Variants in ARID1B observed in about 807,000 individuals in gnomAD.
The protein encoded by ARID1B is AT-rich interactive domain-containing protein 1B.
ARID1B carries 30 observed loss-of-function variants against 212.3 expected under a neutral mutation model. That is an observed-to-expected ratio of 0.14 (90% CI 0.11 to 0.19). The LOEUF (loss-of-function observed/expected upper bound fraction) is 0.19. ARID1B is among the 10% of genes least tolerant of loss of function. The probability of loss-of-function intolerance (pLI) is 1.00; values close to 1 mark genes in which losing one functional copy is unlikely to be tolerated. For missense variants in ARID1B, 2,891 were observed against 3,204.0 expected, an observed-to-expected ratio of 0.90 and a Z score of 2.36; for synonymous variants, 1,402 against 1,301.7, an observed-to-expected ratio of 1.08 and a Z score of -1.66.
At chr6:157,149,327 A>C in intron 8 of ARID1B, 1 of 210,022 alleles carries the variant, frequency 4.8e-6, no homozygotes, top group Non-Finnish European at 9.9e-6. Context: ...TAAAATCTAA[A>C]ACATTCAAAA....
chr6:156,920,054 C>G (rs2128238580), intron 3 of ARID1B, among the ~76,000 whole-genome samples: 1 of 152,344 alleles, frequency 6.6e-6, no homozygotes, highest in East Asian at 1.9e-4. Context: ...GCCTTGTTCT[C>G]TAGTTTTTAG....
At chr6:157,195,505 T>C (rs1793652437) in intron 15 of ARID1B, 1 of 152,228 alleles carries the variant, frequency 6.6e-6, no homozygotes, top group Admixed American at 6.5e-5. Flanking sequence ...CTCCCTTCTG[T>C]TTAAACTCAC....
At position 157,207,268 on chromosome 6, in the gene ARID1B, A is replaced by G. The variant is rs746220769; in HGVS notation, c.6496A>G (p.Ser2166Gly). The G allele has an allele frequency of 1.2e-6, 2 of 1,614,148 alleles. No individual in the cohort carries two copies. Among genetic ancestry groups the G allele is most frequent in the Non-Finnish European group, 1.7e-6 (2 of 1,179,986 alleles). The change falls in exon 20 of 20, where the codon AGC becomes GGC. Residue 2166 changes from serine (S) to glycine (G), a missense_variant. Ser to Gly is a moderately conservative substitution (Grantham distance 56). Around this residue, in one of 7 missense-constraint regions of ARID1B, gnomAD observed 187 missense variants for 306.5 expected, o/e 0.61. Coordinates refer to ENST00000636930, the MANE Select transcript of ARID1B (RefSeq NM_001374828.1). The surrounding 1 kb of genome is among the most constrained non-coding windows in gnomAD (Gnocchi z 8.5). ...GCTAGACTTGTCTGCTTACACGGAA[A>G]GCATCTGCTTGCCAATTTTGGATGG... is the stretch of plus-strand genomic sequence containing the variant. ...GQLDLSAYTE[S>G]ICLPILDGLL...
chr6:156,929,732 A>G (rs972578828), intron 3 of ARID1B, among the ~76,000 whole-genome samples: 1 of 152,144 alleles, frequency 6.6e-6, no homozygotes, highest in African/African-American at 2.4e-5. Flanking sequence ...GACACCATGG[A>G]GGCTCTGTTG....
At chr6:157,131,839 T>G (rs1164913800) in intron 6 of ARID1B, among the ~76,000 whole-genome samples, 2 of 152,040 alleles carry the variant, frequency 1.3e-5, no homozygotes, top group African/African-American at 4.8e-5. Context: ...TACAGGCACC[T>G]GCCACCGTGC....
At chr6:156,909,175 G>GACC (rs1789664602) in intron 3 of ARID1B, among the ~76,000 whole-genome samples, 1 of 140,966 alleles carries the variant, frequency 7.1e-6, no homozygotes, top group African/African-American at 2.8e-5. Flanking sequence ...GCCCAGGCTG[G>GACC]AGTGCAGTGG....
intron 4 of ARID1B, among the ~76,000 whole-genome samples, chr6:156,944,158 T>C (rs1792882411): frequency 6.6e-6 from 1 of 152,194 alleles, no homozygotes; most frequent in Admixed American, 6.5e-5. Context: ...GAAAAAGCAC[T>C]GATAAAAACG....
intron 4 of ARID1B, chr6:157,072,298 A>G (rs530498963): frequency 6.6e-6 from 1 of 152,300 alleles, no homozygotes; most frequent in Non-Finnish European, 1.5e-5. Context: ...TTCCTTTACA[A>G]AAAAAGCTTC....
At chr6:157,108,453 T>C (rs1786650056) in intron 5 of ARID1B, among the ~76,000 whole-genome samples, 1 of 152,194 alleles carries the variant, frequency 6.6e-6, no homozygotes, top group South Asian at 2.1e-4. Context: ...GCAGAAGTGA[T>C]CCTGATAATG....
chr6:157,083,793 A>T (rs577992894), intron 4 of ARID1B, among the ~76,000 whole-genome samples: 1 of 152,202 alleles, frequency 6.6e-6, no homozygotes, highest in Non-Finnish European at 1.5e-5. Context: ...TCACAATATC[A>T]TATATAAATA....
rs1469818572 is a variant in ARID1B at position 157,154,666 on chromosome 6, G to A, written c.3089+5715G>A. On this transcript the variant is annotated intron_variant, in intron 8 of 19. Transcript: ENST00000636930. The stretch of plus-strand genomic sequence containing the variant: ...ACAATATCGGCTCACTGCAACCTCC[G>A]CCTCCTGGTTCAAGTGATTCTCCTG... 4.5e-5 allele frequency among the ~76,000 whole-genome samples: 6 copies of A among 133,752 alleles called. No homozygotes were observed. The Admixed American group carries it at 5.2e-4, about 12-fold the overall frequency. 87.7% of individuals were successfully genotyped at this position (133,752 alleles called of 152,430 possible). A position where few individuals can be genotyped will look rare whatever the true frequency, so the allele number is the denominator to read the frequency against.
At chr6:157,039,410 A>C (rs1181457968) in intron 4 of ARID1B, among the ~76,000 whole-genome samples, 1 of 138,726 alleles carries the variant, frequency 7.2e-6, no homozygotes, top group Non-Finnish European at 1.5e-5. Flanking sequence ...GGCTCACTGC[A>C]AGCTCCGCTT....
At chr6:156,941,422 C>T (rs1024403655) in intron 4 of ARID1B, 6 of 152,182 alleles carry the variant, frequency 3.9e-5, no homozygotes, top group African/African-American at 1.4e-4. Flanking sequence ...TCTTAGGATT[C>T]ATCAAGTTCT....
chr6:157,095,379 T>C (rs1785545644), intron 5 of ARID1B, among the ~76,000 whole-genome samples: 1 of 152,204 alleles, frequency 6.6e-6, no homozygotes, highest in South Asian at 2.1e-4. Flanking sequence ...GTGGTTATTA[T>C]GCACAGCCAA....
chr6:156,814,142 G>A (rs915728848), intron 1 of ARID1B, among the ~76,000 whole-genome samples: 2 of 152,206 alleles, frequency 1.3e-5, no homozygotes, highest in South Asian at 4.1e-4. Flanking sequence ...TACATCTGGA[G>A]TGGTGGCTCA....
intron 1 of ARID1B, among the ~76,000 whole-genome samples, chr6:156,814,173 T>C (rs1781804086): frequency 6.6e-6 from 1 of 152,160 alleles, no homozygotes; most frequent in South Asian, 2.1e-4. Context: ...TCCAGCACTT[T>C]GGGAGGCTGA....
At chr6:157,074,040 T>C (rs1221984294) in intron 4 of ARID1B, among the ~76,000 whole-genome samples, 4 of 152,190 alleles carry the variant, frequency 2.6e-5, no homozygotes, top group African/African-American at 9.6e-5. Context: ...CCGAATTCTA[T>C]TGTAATCATC....
chr6:157,070,203 A>C (rs1249704726), intron 4 of ARID1B, among the ~76,000 whole-genome samples: 1 of 149,868 alleles, frequency 6.7e-6, no homozygotes, highest in Admixed American at 6.6e-5. Flanking sequence ...TAAATTGTTC[A>C]TTTTGTTTTT....
intron 3 of ARID1B, among the ~76,000 whole-genome samples, chr6:156,918,573 A>G (rs1302408242): frequency 6.6e-6 from 1 of 152,186 alleles, no homozygotes; most frequent in African/African-American, 2.4e-5. Context: ...TGAATTTTGA[A>G]TCTTTTTCTT....
Sources: allele counts gnomAD v4.1 joint callset (sites outside exome capture counted in the v4.1 genomes callset), GRCh38; gene constraint gnomAD v4.1.1; regional missense constraint gnomAD v4.1.1; non-coding constraint Gnocchi (gnomAD v3.1); transcripts MANE v1.5; gene names NCBI Gene and HGNC (gene_info 2026-07-23, HGNC 2026-07-21).